The following GRK5 variants were observed in gnomAD, a reference collection of about 807,000 sequenced individuals.
GRK5 encodes g protein-coupled receptor kinase GRK5.
Under a neutral mutation model 78.4 loss-of-function variants are expected in GRK5, and 40 were observed. The ratio of observed to expected loss-of-function variants is 0.51; its 90% CI spans 0.40 to 0.66. The LOEUF (loss-of-function observed/expected upper bound fraction) is 0.66. GRK5 is among the 30% of genes least tolerant of loss of function. The pLI is 0.00. For missense variants in GRK5, 598 were observed against 759.9 expected (o/e 0.79, Z 2.50); for synonymous variants, 289 against 296.8 (o/e 0.97, Z 0.27).
At chr10:119,299,205 G>A (rs1326084885) in intron 1 of GRK5, among the ~76,000 whole-genome samples, 2 of 152,206 alleles carry the variant, frequency 1.3e-5, no homozygotes, top group African/African-American at 2.4e-5. Context: ...CACTTTGGGA[G>A]GCCAAGGCGG....
chr10:119,207,888 G>A lies in GRK5; in HGVS notation c.-30G>A. 1.3e-6 allele frequency: 2 copies of A among 1,583,836 alleles called. No individual in the cohort carries two copies. The highest frequency in any genetic ancestry group is 1.7e-6 in the Non-Finnish European group (2 of 1,167,324). ...ACCCCAGGCGCTGACAGCCCCGCCG[G>A]CCGGCTCCGTTGCTGACCGCCGACT... On this transcript the variant is annotated 5_prime_UTR_variant, in exon 1 of 16. Transcript: ENST00000392870.
In GRK5 at chr10:119,436,821, C is replaced by G; in HGVS notation, c.909C>G (p.His303Gln). 1 of 1,609,256 alleles carries G rather than the reference C, an allele frequency of 6.2e-7. No homozygotes were observed. The highest frequency in any genetic ancestry group is 8.5e-7 in the Non-Finnish European group (1 of 1,177,100). The change falls in exon 9 of 16, where the codon CAC (histidine) becomes CAG (glutamine). Residue 303 changes from histidine (H) to glutamine (Q), a missense_variant. Physicochemically the swap from His to Gln is conservative, Grantham distance 24. Transcript: ENST00000392870. Reference protein sequence around the residue: ...AEILCGLEDLHRENTVYRDLK... With the variant: ...AEILCGLEDLQRENTVYRDLK... ...TCCTCTGCGGCTTAGAAGACCTCCA[C>G]CGTGAGAACACCGTCTACCGGTGAG...
chr10:119,255,147 G>C (rs1292384049), intron 1 of GRK5, among the ~76,000 whole-genome samples: 1 of 152,008 alleles, frequency 6.6e-6, no homozygotes, highest in Non-Finnish European at 1.5e-5. Flanking sequence ...TGAGCCATTT[G>C]GAAGCCCGGA....
At chr10:119,265,672 A>G (rs769200462) in intron 1 of GRK5, among the ~76,000 whole-genome samples, 1 of 152,234 alleles carries the variant, frequency 6.6e-6, no homozygotes, top group African/African-American at 2.4e-5. Flanking sequence ...TGATCAGTAC[A>G]GTCGGAGTTC....
intron 1 of GRK5, among the ~76,000 whole-genome samples, chr10:119,239,569 A>G (rs1380002283): frequency 6.6e-6 from 1 of 152,078 alleles, no homozygotes; most frequent in East Asian, 1.9e-4. Context: ...TCTGGGATAC[A>G]TGTGCAGAAC....
intron 1 of GRK5, among the ~76,000 whole-genome samples, chr10:119,291,486 C>T (rs1305694897): frequency 6.6e-6 from 1 of 151,618 alleles, no homozygotes; most frequent in African/African-American, 2.4e-5. Flanking sequence ...CTTCCTGGAG[C>T]CAGGAAGGAA....
At chr10:119,305,155 C>T (rs1402016733) in intron 1 of GRK5, among the ~76,000 whole-genome samples, 1 of 152,170 alleles carries the variant, frequency 6.6e-6, no homozygotes, top group African/African-American at 2.4e-5. Context: ...TGACCTAGAG[C>T]CTCTGACCTT....
chr10:119,290,346 CAAAAAA>C (rs1220792004), intron 1 of GRK5, among the ~76,000 whole-genome samples: 1 of 40,006 alleles, frequency 2.5e-5, no homozygotes, highest in African/African-American at 9.0e-5. Flanking sequence ...GATTCCGTCT[CAAAAAA>C]AAAAAAAAAA....
intron 2 of GRK5, among the ~76,000 whole-genome samples, chr10:119,348,533 A>G (rs1183927302): frequency 6.6e-6 from 1 of 152,154 alleles, no homozygotes; most frequent in Admixed American, 6.5e-5. Flanking sequence ...ACCTTGAGGA[A>G]TGAGAACAGA....
chr10:119,245,781 G>A (rs920801035), intron 1 of GRK5, among the ~76,000 whole-genome samples: 16 of 152,082 alleles, frequency 1.1e-4, no homozygotes, highest in Non-Finnish European at 2.9e-5. Context: ...ACTTTGGGAG[G>A]CCGAGGCGGG....
intron 1 of GRK5, among the ~76,000 whole-genome samples, chr10:119,258,999 G>T (rs1849329091): frequency 6.6e-6 from 1 of 152,114 alleles, no homozygotes; most frequent in African/African-American, 2.4e-5. Flanking sequence ...AACAGTGACA[G>T]GGCACTCTTC....
At chr10:119,395,150 C>T (rs1378040322) in intron 3 of GRK5, among the ~76,000 whole-genome samples, 1 of 152,168 alleles carries the variant, frequency 6.6e-6, no homozygotes, top group Non-Finnish European at 1.5e-5. Context: ...GTGTCCAGCC[C>T]TATAAAATGA....
chr10:119,419,895 A>G (rs1852534764), intron 4 of GRK5, among the ~76,000 whole-genome samples: 1 of 152,144 alleles, frequency 6.6e-6, no homozygotes, highest in Non-Finnish European at 1.5e-5. Context: ...TGCCTCTGCT[A>G]TGGGACCAAA....
chr10:119,241,230 C>A (rs908592578), intron 1 of GRK5, among the ~76,000 whole-genome samples: 3 of 152,144 alleles, frequency 2.0e-5, no homozygotes, highest in Non-Finnish European at 4.4e-5. Flanking sequence ...CTGTGAGAAT[C>A]AAATGGAGAA....
intron 1 of GRK5, among the ~76,000 whole-genome samples, chr10:119,279,053 A>G (rs776097823): frequency 5.3e-5 from 8 of 150,964 alleles, no homozygotes; most frequent in Non-Finnish European, 8.9e-5. Flanking sequence ...AATTTTTTGT[A>G]TTTTTTTTAG....
chr10:119,281,000 A>G (rs538202505), intron 1 of GRK5, among the ~76,000 whole-genome samples: 1 of 151,868 alleles, frequency 6.6e-6, no homozygotes, highest in Non-Finnish European at 1.5e-5. Flanking sequence ...GGCTGGTCTC[A>G]GACTGCTGAC....
At chr10:119,243,160 C>T (rs1000039141) in intron 1 of GRK5, among the ~76,000 whole-genome samples, 1 of 152,114 alleles carries the variant, frequency 6.6e-6, no homozygotes, top group Non-Finnish European at 1.5e-5. Context: ...TTGCTTGAAC[C>T]TGGGAGGTGG....
At chr10:119,403,728 G>A (rs944985640) in intron 4 of GRK5, among the ~76,000 whole-genome samples, 2 of 152,104 alleles carry the variant, frequency 1.3e-5, no homozygotes, top group Middle Eastern at 6.8e-3. Context: ...CCACCCCCCG[G>A]GTTCAAGTGA....
At chr10:119,347,324 T>A (rs796479313) in intron 2 of GRK5, among the ~76,000 whole-genome samples, 63 of 152,256 alleles carry the variant, frequency 4.1e-4, no homozygotes, top group African/African-American at 1.4e-3. Context: ...TATGTGTCCG[T>A]ATATTTGTGA....
Sources: allele counts gnomAD v4.1 joint callset (sites outside exome capture counted in the v4.1 genomes callset), GRCh38; gene constraint gnomAD v4.1.1; transcripts MANE v1.5; gene names NCBI Gene and HGNC (gene_info 2026-07-23, HGNC 2026-07-21).